The following DDO variants were observed in gnomAD, a reference collection of about 807,000 sequenced individuals.
DDO encodes the protein D-aspartate oxidase, DDO.
A neutral mutation model predicts 16.8 loss-of-function variants in DDO; 16 were observed. The observed-to-expected ratio is 0.95, with a 90% CI of 0.65 to 1.45. The LOEUF is 1.45. DDO is among the 40% of genes most tolerant of loss of function. DDO has a pLI of 0.00. For missense variants in DDO, 429 were observed against 420.3 expected, an observed-to-expected ratio of 1.02 and a Z score of -0.18; for synonymous variants, 180 against 167.2, an observed-to-expected ratio of 1.08 and a Z score of -0.59.
intron 2 of DDO, among the ~76,000 whole-genome samples, chr6:110,412,616 C>G (rs9374175): frequency 0.16 from 24,024 of 152,166 alleles, 2,316 homozygotes; most frequent in East Asian, 0.32. Flanking sequence ...ATCACAGAGG[C>G]GAGAACCTCA....
At chr6:110,407,161 G>A (rs376087376) in intron 3 of DDO, among the ~76,000 whole-genome samples, 21 of 152,202 alleles carry the variant, frequency 1.4e-4, no homozygotes, top group African/African-American at 5.1e-4. Context: ...AAGATGCACA[G>A]GGGATTTTAA....
At chr6:110,405,035 ATTTAT>A in intron 3 of DDO, 85 bp from the exon 4 acceptor site, 11 of 1,273,182 alleles carry the variant, frequency 8.6e-6, no homozygotes, top group South Asian at 1.4e-5. Flanking sequence ...TCTCTAGAGC[ATTTAT>A]TTTATTTTAT....
rs751265115 is a variant in DDO at position 110,408,436 on chromosome 6, G to C, written c.179C>G (p.Pro60Arg). 1.2e-6 allele frequency: 2 copies of C among 1,613,776 alleles called. No individual in the cohort carries two copies. Among genetic ancestry groups the C allele is most frequent in the Non-Finnish European group, 1.7e-6 (2 of 1,179,924 alleles). Residue 60 changes from proline to arginine, a missense_variant, in exon 3 of 5, where the codon CCC becomes CGC. Physicochemically the swap from Pro to Arg is moderately radical, Grantham distance 103. Coordinates refer to ENST00000368924, the MANE Select transcript of DDO (RefSeq NM_001372108.2). The stretch of plus-strand genomic sequence containing the variant: ...GAACCACTGCTTCTGCGTGTGAATG[G>C]GTGTATCTGTAATCATGGAGAAAAG... ...MLIPHTYPDT[P>R]IHTQKQWFRE... is the part of the protein sequence containing the mutation.
intron 2 of DDO, among the ~76,000 whole-genome samples, chr6:110,410,156 G>C (rs938878849): frequency 1.3e-5 from 2 of 152,212 alleles, no homozygotes; most frequent in Non-Finnish European, 2.9e-5. Flanking sequence ...TAGTGTCTAG[G>C]AAAGAAACCC....
intron 4 of DDO, among the ~76,000 whole-genome samples, chr6:110,399,504 GCCCCA>G (rs1773401583): frequency 6.6e-6 from 1 of 152,190 alleles, no homozygotes; most frequent in African/African-American, 2.4e-5. Context: ...CCCAGAGGGA[GCCCCA>G]GGTGTCGCCC....
intron 4 of DDO, among the ~76,000 whole-genome samples, chr6:110,402,606 C>T (rs536366065): frequency 6.6e-6 from 1 of 152,286 alleles, no homozygotes; most frequent in South Asian, 2.1e-4. Context: ...TTGCAGTGAG[C>T]TGAGATCACG....
At chr6:110,390,519 C>G (rs1773081304), downstream of DDO, among the ~76,000 whole-genome samples, 1 of 152,194 alleles carries the variant, frequency 6.6e-6, no homozygotes, top group Non-Finnish European at 1.5e-5. Context: ...CTCAAGAAGC[C>G]TCCAGTCTTG....
intron 3 of DDO, 51 bp downstream of exon 3, chr6:110,408,283 C>A (rs759873218): frequency 6.6e-6 from 10 of 1,525,526 alleles, no homozygotes; most frequent in Admixed American, 1.7e-5. Flanking sequence ...AACTCTAATG[C>A]CTGTTAAGAT....
downstream of DDO, among the ~76,000 whole-genome samples, chr6:110,390,334 C>G (rs1289319394): frequency 6.6e-6 from 1 of 152,224 alleles, no homozygotes; most frequent in Non-Finnish European, 1.5e-5. Context: ...ACCAAAGATT[C>G]TAATTTCATA....
rs565531523 is a variant in DDO at position 110,413,148 on chromosome 6, A to C, written c.172+143T>G. On this transcript the variant is annotated intron_variant, in intron 2 of 4. Coordinates refer to ENST00000368924, the MANE Select transcript of DDO (RefSeq NM_001372108.2). ...ACAGAGTGAGACCCTGTCTCAAAAA[A>C]AGAGAAAAAGAGGAAAGGAAAAAGA... 2.3e-5 allele frequency: 23 copies of C among 990,632 alleles called. 1 individual carries two copies. The highest frequency in any genetic ancestry group is 3.3e-4 in the Middle Eastern group (1 of 3,028). 61.4% of individuals were successfully genotyped at this position (990,632 alleles called of 1,614,324 possible). A position where few individuals can be genotyped will look rare whatever the true frequency, so the allele number is the denominator to read the frequency against.
At chr6:110,391,351 CT>C (rs10683177), downstream of DDO, among the ~76,000 whole-genome samples, 19,389 of 133,288 alleles carry the variant, frequency 0.15, 1,389 homozygotes, top group Admixed American at 0.2. Context: ...CTCCTCAAGC[CT>C]TTTTTTTTTT....
Position 110,393,103 on chromosome 6 carries a change from A to G in DDO, c.698T>C (p.Leu233Pro), listed in dbSNP as rs1284141349. ...YIYPGTSHVTLGGTRQKGDWN... is the reference protein window; with the variant it reads ...YIYPGTSHVTPGGTRQKGDWN... ...GTCCCCTTTTTGCCTAGTTCCACCT[A>G]GGGTTACATGGGATGTACCAGGATA... The change falls in exon 5 of 5, where the codon CTA becomes CCA. Residue 233 changes from leucine to proline, a missense_variant. By Grantham distance (98) the Leu-to-Pro change is moderately conservative. Coordinates refer to ENST00000368924, the MANE Select transcript of DDO (RefSeq NM_001372108.2). 10 of 1,613,776 alleles carry G rather than the reference A, an allele frequency of 6.2e-6. No homozygotes were observed. The highest frequency in any genetic ancestry group is 8.5e-6 in the Non-Finnish European group (10 of 1,179,752).
downstream of DDO, among the ~76,000 whole-genome samples, chr6:110,390,491 T>C (rs1407450062): frequency 6.6e-6 from 1 of 152,226 alleles, no homozygotes; most frequent in African/African-American, 2.4e-5. Flanking sequence ...AATCAGGGCA[T>C]GCAGCCACAA....
chr6:110,388,622 A>G (rs189503570), downstream of DDO, among the ~76,000 whole-genome samples: 559 of 151,964 alleles, frequency 3.7e-3, 4 homozygotes, highest in African/African-American at 0.013. Context: ...ATAAAATCCC[A>G]AAAGTTAAAA....
chr6:110,396,844 T>C (rs1001226127), intron 4 of DDO, among the ~76,000 whole-genome samples: 1 of 152,216 alleles, frequency 6.6e-6, no homozygotes, highest in Non-Finnish European at 1.5e-5. Flanking sequence ...TTCTTAAACA[T>C]GTAATAATAG....
chr6:110,407,396 T>G (rs1347106553), intron 3 of DDO, among the ~76,000 whole-genome samples: 1 of 152,040 alleles, frequency 6.6e-6, no homozygotes, highest in African/African-American at 2.4e-5. Context: ...ATTACTGACA[T>G]CAGCATCATC....
intron 1 of DDO, among the ~76,000 whole-genome samples, chr6:110,414,630 C>T (rs1470277534): frequency 1.3e-5 from 2 of 152,244 alleles, no homozygotes; most frequent in Non-Finnish European, 2.9e-5. Context: ...CCATCTGTTC[C>T]TGCTCTGACT....
chr6:110,402,359 A>C (rs1000364417), intron 4 of DDO, among the ~76,000 whole-genome samples: 2 of 152,188 alleles, frequency 1.3e-5, no homozygotes, highest in Non-Finnish European at 2.9e-5. Context: ...TTCTGAGAGC[A>C]AGTATTTAAA....
intron 4 of DDO, among the ~76,000 whole-genome samples, chr6:110,394,318 G>T (rs1773218776): frequency 6.6e-6 from 1 of 152,068 alleles, no homozygotes; most frequent in African/African-American, 2.4e-5. Context: ...TGTTGCCCAG[G>T]CTGGTCTGCA....
Sources: gnomAD v4.1 joint callset for allele counts (sites outside exome capture counted in the v4.1 genomes callset) on GRCh38, gnomAD v4.1.1 for gene constraint, MANE v1.5 for transcripts, NCBI Gene and HGNC (gene_info 2026-07-23, HGNC 2026-07-21) for gene names.